Variants in ADGRG5 observed in about 807,000 individuals in gnomAD.
ADGRG5 encodes the protein G protein-coupled receptor 114.
In ADGRG5, 37 loss-of-function variants were observed where a neutral mutation model predicts 53.2. The ratio of observed to expected loss-of-function variants is 0.70; its 90% CI spans 0.53 to 0.91. ADGRG5 has a LOEUF of 0.91. Among genes scored for constraint, ADGRG5 ranks in the 40% least tolerant of loss-of-function variants. The pLI is 0.00. For synonymous variants in ADGRG5, 277 were observed against 290.4 expected (o/e 0.95, Z 0.47); for missense variants, 614 against 675.8 (o/e 0.91, Z 1.01).
intron 11 of ADGRG5, 45 bp downstream of exon 11, chr16:57,575,137 G>T: frequency 2.5e-6 from 4 of 1,573,982 alleles, no homozygotes; most frequent in Non-Finnish European, 3.4e-6. Flanking sequence ...GGCAGGGGGT[G>T]TATGGCTGGT....
chr16:57,534,918 G>A, the ADGRG5 span, among the ~76,000 whole-genome samples: 1 of 152,212 alleles, frequency 6.6e-6, no homozygotes, highest in Non-Finnish European at 1.5e-5. Flanking sequence ...AGCATGTTTG[G>A]ATGGGTCTCT....
chr16:57,548,618 A>G (rs139559352), intron 1 of ADGRG5, among the ~76,000 whole-genome samples: 1 of 152,010 alleles, frequency 6.6e-6, no homozygotes, highest in African/African-American at 2.4e-5. Context: ...CCCCCTCCCT[A>G]ACCCTTTGCA....
At chr16:57,537,668 G>A (rs2032424169), upstream of ADGRG5, among the ~76,000 whole-genome samples, 1 of 151,880 alleles carries the variant, frequency 6.6e-6, no homozygotes, top group Non-Finnish European at 1.5e-5. Context: ...CCTTTTTTCG[G>A]GTCTGGGTCA....
chr16:57,549,555 A>G (rs1310365849), intron 1 of ADGRG5, among the ~76,000 whole-genome samples: 3 of 152,112 alleles, frequency 2.0e-5, no homozygotes, highest in African/African-American at 7.2e-5. Context: ...TTGGATTTCT[A>G]AAGTCTTGTC....
chr16:57,575,616 G>T lies in ADGRG5; in HGVS notation c.*78G>T. The T allele has an allele frequency of 7.5e-6, 9 of 1,192,066 alleles. No individual in the cohort carries two copies. The highest frequency in any genetic ancestry group is 4.9e-6 in the Non-Finnish European group (4 of 811,922). The allele number at this position is 1,192,066 out of a possible 1,614,324, so 73.8% of individuals were successfully genotyped here. A position where few individuals can be genotyped will look rare whatever the true frequency, so the allele number is the denominator to read the frequency against. On this transcript the variant is annotated 3_prime_UTR_variant, in exon 12 of 12. Coordinates refer to ENST00000349457, the MANE Select transcript of ADGRG5 (RefSeq NM_001304376.3). ...GGCTACGGCTCCTGCTAGAGAGGGT[G>T]GCAGGCCTGCTGCTGGACCCCAGAG...
intron 2 of ADGRG5, 37 bp from the exon 3 acceptor site, chr16:57,562,347 T>C (rs374003902): frequency 1.3e-6 from 2 of 1,566,482 alleles, no homozygotes; most frequent in Admixed American, 1.8e-5. Context: ...CAGAGGGCAG[T>C]TGAGACACAA....
upstream of ADGRG5, among the ~76,000 whole-genome samples, chr16:57,539,399 T>C (rs993447199): frequency 6.6e-6 from 1 of 151,520 alleles, no homozygotes; most frequent in Admixed American, 6.6e-5. Context: ...GGACATGGGA[T>C]GTGGTGATGT....
intron 6 of ADGRG5, chr16:57,566,339 G>A (rs990399115): frequency 2.7e-6 from 1 of 370,300 alleles, no homozygotes; most frequent in Non-Finnish European, 4.8e-6. Flanking sequence ...CACCATTGTT[G>A]TAACATGGGT....
chr16:57,529,175 C>T, the ADGRG5 span: 2 of 1,181,802 alleles, frequency 1.7e-6, no homozygotes, highest in South Asian at 8.3e-5. The surrounding 1 kb of genome is among the most constrained non-coding windows in gnomAD (Gnocchi z 4.1). Flanking sequence ...GCCCGTGGCT[C>T]ATGGTGCGGC....
At chr16:57,572,487 A>G (rs1323077802) in intron 10 of ADGRG5, among the ~76,000 whole-genome samples, 1 of 151,872 alleles carries the variant, frequency 6.6e-6, no homozygotes, top group African/African-American at 2.4e-5. Context: ...ACAAACAAAT[A>G]AAAAACACAT....
the ADGRG5 span, among the ~76,000 whole-genome samples, chr16:57,536,979 AG>A: frequency 6.6e-6 from 1 of 152,128 alleles, no homozygotes; most frequent in African/African-American, 2.4e-5. Context: ...TCCCTGGGCC[AG>A]CTCTGCCACC....
At chr16:57,537,612 C>T in the ADGRG5 span, among the ~76,000 whole-genome samples, 2 of 152,126 alleles carry the variant, frequency 1.3e-5, no homozygotes, top group African/African-American at 2.4e-5. Flanking sequence ...TATTTGAGAG[C>T]TTCCTCAAAC....
At chr16:57,539,935 A>C (rs910250429), upstream of ADGRG5, among the ~76,000 whole-genome samples, 1 of 152,104 alleles carries the variant, frequency 6.6e-6, no homozygotes, top group Non-Finnish European at 1.5e-5. Flanking sequence ...TGTGTTAGAG[A>C]GGGGTTAAAA....
At chr16:57,550,901 G>A (rs979266305) in intron 1 of ADGRG5, among the ~76,000 whole-genome samples, 2 of 152,158 alleles carry the variant, frequency 1.3e-5, no homozygotes, top group Non-Finnish European at 2.9e-5. Context: ...GGTGGTGTGT[G>A]CCTGTAATCC....
rs10564046 is a variant in ADGRG5, at chr16:57,559,012, ATTTTTTT to A, written c.-38-3031_-38-3025del. Among the ~76,000 whole-genome samples, 79 of 139,592 alleles carry A rather than the reference ATTTTTTT, an allele frequency of 5.7e-4. No homozygotes were observed. In the Middle Eastern group the frequency reaches 0.011, roughly 19 times the overall value. 91.6% of individuals were successfully genotyped at this position (139,592 alleles called of 152,430 possible). On this transcript the variant is annotated intron_variant, in intron 1 of 11. Transcript: ENST00000349457. ...AGGTGTACACCACCACATCTGCCTA[ATTTTTTT>A]TTTTTTTTTTTTAAGAGACAGAGTT...
chr16:57,563,729 G>A lies in ADGRG5; in HGVS notation c.298-119G>A, dbSNP rs2033061735. ...TGGGAGGAGATGCAGCCTGGGGGGA[G>A]AAGGTTCTGTGGGTGGAAACCCCAA... On this transcript the variant is annotated intron_variant, in intron 4 of 11. Transcript: ENST00000349457. 9.3e-6 allele frequency: 12 copies of A among 1,289,402 alleles called. No individual in the cohort carries two copies. In the South Asian group the frequency reaches 1.0e-4, roughly 11 times the overall value. The allele number at this position is 1,289,402 out of a possible 1,614,324, so 79.9% of individuals were successfully genotyped here.
the ADGRG5 span, among the ~76,000 whole-genome samples, chr16:57,530,908 G>A: frequency 6.6e-6 from 1 of 151,658 alleles, no homozygotes; most frequent in Admixed American, 6.6e-5. Flanking sequence ...CCCCTGTGAC[G>A]GTGTGCCCTC....
the ADGRG5 span, among the ~76,000 whole-genome samples, chr16:57,533,604 C>T: frequency 4.0e-5 from 6 of 150,908 alleles, no homozygotes; most frequent in Non-Finnish European, 7.4e-5. Context: ...ACACATGGCC[C>T]CAGGGACCCG....
upstream of ADGRG5, among the ~76,000 whole-genome samples, chr16:57,541,093 A>C (rs1296106498): frequency 1.3e-5 from 2 of 152,102 alleles, no homozygotes; most frequent in African/African-American, 4.8e-5. Context: ...ACCCAGCCTC[A>C]CCACTGGCTT....
Sources: gnomAD v4.1 joint callset for allele counts (sites outside exome capture counted in the v4.1 genomes callset) on GRCh38, gnomAD v4.1.1 for gene constraint, Gnocchi (gnomAD v3.1) non-coding constraint, MANE v1.5 for transcripts, NCBI Gene and HGNC (gene_info 2026-07-23, HGNC 2026-07-21) for gene names.